The following MICALL1 variants were observed in gnomAD, a reference collection of about 807,000 sequenced individuals.
MICALL1 encodes MICAL-like protein 1.
Under a neutral mutation model 83.7 loss-of-function variants are expected in MICALL1, and 61 were observed. The ratio of observed to expected loss-of-function variants is 0.73; its 90% CI spans 0.59 to 0.90. The LOEUF is 0.90. Among genes scored for constraint, MICALL1 ranks in the 40% least tolerant of loss-of-function variants. MICALL1 has a pLI of 0.00. For synonymous variants in MICALL1, 481 were observed against 473.6 expected, an observed-to-expected ratio of 1.02 and a Z score of -0.20; for missense variants, 1,066 against 1,152.0, an observed-to-expected ratio of 0.93 and a Z score of 1.08.
chr22:37,933,739 G>C (rs919138589), intron 13 of MICALL1, among the ~76,000 whole-genome samples: 3 of 152,224 alleles, frequency 2.0e-5, no homozygotes, highest in Non-Finnish European at 4.4e-5. Flanking sequence ...CCAGAGTTGG[G>C]AGCCAAAGCT....
At position 37,932,582 on chromosome 22, in the gene MICALL1, G is replaced by C. The variant is rs1929849536; in HGVS notation, c.2046G>C (p.Glu682Asp). Reference protein sequence around the residue: ...KVQADQYIPEEDIHGEMDTIE... With the variant: ...KVQADQYIPEDDIHGEMDTIE... Reference sequence around the variant, plus strand: ...AGGCTGACCAGTACATCCCTGAGGAGGACATCCATGGAGAGATGGATACCA... The same window carrying C: ...AGGCTGACCAGTACATCCCTGAGGACGACATCCATGGAGAGATGGATACCA... Residue 682 changes from glutamate (E) to aspartate (D), a missense_variant, in exon 11 of 16, where the codon GAG becomes GAC. By Grantham distance (45) the Glu-to-Asp change is conservative (BLOSUM62 2). Coordinates refer to ENST00000215957, the MANE Select transcript of MICALL1 (RefSeq NM_033386.4). This position sits in a 1 kb window ranked among gnomAD's most constrained non-coding sequence, Gnocchi z 4.4. The C allele has an allele frequency of 6.2e-7, 1 of 1,614,184 alleles. No individual in the cohort carries two copies. The highest frequency in any genetic ancestry group is 2.2e-5 in the East Asian group (1 of 44,882).
intron 15 of MICALL1, among the ~76,000 whole-genome samples, chr22:37,939,220 C>T (rs76696902): frequency 1.9e-3 from 289 of 152,316 alleles, no homozygotes; most frequent in African/African-American, 6.8e-3. Context: ...TCTCATTCTT[C>T]ATATCTGCAG....
chr22:37,919,356 A>G (rs1601813974), intron 5 of MICALL1, among the ~76,000 whole-genome samples, 178 bp downstream of exon 5: 1 of 152,250 alleles, frequency 6.6e-6, no homozygotes, highest in Non-Finnish European at 1.5e-5. Flanking sequence ...GCTCAGCCAC[A>G]TGATTCGAGA....
In MICALL1 at chr22:37,924,542, G is replaced by A. The variant is rs1929297385; in HGVS notation, c.1025-118G>A. On this transcript the variant is annotated intron_variant, in intron 6 of 15. Coordinates refer to ENST00000215957, the MANE Select transcript of MICALL1 (RefSeq NM_033386.4). This position sits in a 1 kb window ranked among gnomAD's most constrained non-coding sequence, Gnocchi z 5.2. ...TCTCCATGGGCTGGCCTGGGGAGGT[G>A]CGAGGGTGCCAGGAGGAAGGCGGGG... is the stretch of plus-strand genomic sequence containing the variant. 1 of 949,368 alleles carries A rather than the reference G, an allele frequency of 1.1e-6. No individual in the cohort carries two copies. Among genetic ancestry groups the A allele is most frequent in the Admixed American group, 2.1e-5 (1 of 48,510 alleles). The allele number at this position is 949,368 out of a possible 1,614,324, so 58.8% of individuals were successfully genotyped here. A position where few individuals can be genotyped will look rare whatever the true frequency, so the allele number is the denominator to read the frequency against.
intron 14 of MICALL1, 54 bp from the exon 15 acceptor site, chr22:37,937,692 G>A (rs1402241736): frequency 6.3e-7 from 1 of 1,594,932 alleles, no homozygotes; most frequent in Non-Finnish European, 8.6e-7. Flanking sequence ...CCAAAGTGCT[G>A]GGATTACAGG....
chr22:37,927,625 G>C lies in MICALL1; in HGVS notation c.1680G>C (p.Leu560=). 6.2e-7 allele frequency: 1 copy of C among 1,613,996 alleles called. No individual in the cohort carries two copies. The highest frequency in any genetic ancestry group is 8.5e-7 in the Non-Finnish European group (1 of 1,179,914). ...TCAGCCTCTCTACCAACTCCTCCCT[G>C]GCCTCCTCTGGGGAACTAGTGGAGC... ...NPVSLSTNSS[L]ASSGELVEPR... Residue 560 remains leucine, a synonymous_variant, in exon 9 of 16, where the codon CTG becomes CTC. Transcript: ENST00000215957.
At chr22:37,915,965 ACTT>A (rs982090380) in intron 3 of MICALL1, among the ~76,000 whole-genome samples, 7 of 152,136 alleles carry the variant, frequency 4.6e-5, no homozygotes, top group African/African-American at 9.7e-5. Flanking sequence ...TATTCTTACT[ACTT>A]CTTATTTCAC....
At position 37,907,833 on chromosome 22, in the gene MICALL1, C is replaced by G. The variant is rs762808950; in HGVS notation, c.146+1265C>G. ...GGTGGTCATGTAGGTGGGCCCCTGC[C>G]CGCTGTGGGGCATGTGACACCCATA... is the stretch of plus-strand genomic sequence containing the variant. On this transcript the variant is annotated intron_variant, in intron 1 of 15. Coordinates refer to ENST00000215957, the MANE Select transcript of MICALL1 (RefSeq NM_033386.4). Among the ~76,000 whole-genome samples the G allele has an allele frequency of 5.3e-4, 80 of 152,154 alleles. 1 individual carries two copies. Among genetic ancestry groups the G allele is most frequent in the Admixed American group, 1.6e-3 (25 of 15,262 alleles).
chr22:37,909,361 G>A (rs568182018), intron 1 of MICALL1, among the ~76,000 whole-genome samples: 30 of 146,012 alleles, frequency 2.1e-4, no homozygotes, highest in African/African-American at 7.1e-4. Flanking sequence ...GCCGAGCCAC[G>A]TAGGTTTTTT....
At chr22:37,939,965 C>T (rs1930343975) in intron 15 of MICALL1, among the ~76,000 whole-genome samples, 1 of 151,646 alleles carries the variant, frequency 6.6e-6, no homozygotes, top group African/African-American at 2.4e-5. Flanking sequence ...TGGCACACTT[C>T]TGTAATCTCA....
At chr22:37,926,781 C>G (rs1322250637) in intron 8 of MICALL1, 1 of 153,132 alleles carries the variant, frequency 6.5e-6, no homozygotes. Context: ...GGGGTCTGAG[C>G]GGAGCCCTGG....
rs771002643 is a variant in MICALL1 at position 37,932,053 on chromosome 22, C to A, written c.2016+120C>A. ...CTGGCTAGGCAGTGGGCCTCAGATG[C>A]TCAAGAGAGCACTCTTGGCGGCCCA... On this transcript the variant is annotated intron_variant, in intron 10 of 15. Coordinates refer to ENST00000215957, the MANE Select transcript of MICALL1 (RefSeq NM_033386.4). The surrounding 1 kb of genome is among the most constrained non-coding windows in gnomAD (Gnocchi z 4.4). 36 of 1,415,164 alleles carry A rather than the reference C, an allele frequency of 2.5e-5. 1 individual carries two copies. The Middle Eastern group carries it at 7.8e-4, about 31-fold the overall frequency. 87.7% of individuals were successfully genotyped at this position (1,415,164 alleles called of 1,614,324 possible). A position where few individuals can be genotyped will look rare whatever the true frequency, so the allele number is the denominator to read the frequency against.
chr22:37,922,601 ATTTTTTT>A (rs1198282750), intron 6 of MICALL1, among the ~76,000 whole-genome samples, 175 bp downstream of exon 6: 2 of 31,936 alleles, frequency 6.3e-5, no homozygotes, highest in Non-Finnish European at 1.3e-4. Flanking sequence ...ATATATATAT[ATTTTTTT>A]TTTTTTTTTT....
chr22:37,915,167 G>C (rs1277385889), intron 3 of MICALL1, among the ~76,000 whole-genome samples: 6 of 152,120 alleles, frequency 3.9e-5, no homozygotes, highest in East Asian at 3.9e-4. Flanking sequence ...TGGGAGGTTT[G>C]CTTGAGGCCA....
intron 9 of MICALL1, among the ~76,000 whole-genome samples, chr22:37,928,207 T>C (rs1929592717): frequency 6.8e-6 from 1 of 146,632 alleles, no homozygotes; most frequent in Non-Finnish European, 1.5e-5. Flanking sequence ...TGCTTGGCCT[T>C]CTTTTTTATT....
In MICALL1 at chr22:37,925,924, C is replaced by T; in HGVS notation, c.1346C>T (p.Ala449Val). Reference protein sequence around the residue: ...PAAPSLATSPALGHPESTPKS... With the variant: ...PAAPSLATSPVLGHPESTPKS... ...GCACCCAGCCTGGCCACCAGCCCTG[C>T]CCTGGGCCACCCGGAGTCCACACCC... is the stretch of plus-strand genomic sequence containing the variant. The change falls in exon 8 of 16, where the codon GCC becomes GTC. Residue 449 changes from alanine to valine, a missense_variant. By Grantham distance (64) the Ala-to-Val change is moderately conservative (BLOSUM62 0). Coordinates refer to ENST00000215957, the MANE Select transcript of MICALL1 (RefSeq NM_033386.4). 1 of 1,613,036 alleles carries T rather than the reference C, an allele frequency of 6.2e-7. No homozygotes were observed. Among genetic ancestry groups the T allele is most frequent in the South Asian group, 1.1e-5 (1 of 90,964 alleles).
At position 37,928,724 on chromosome 22, in the gene MICALL1, G is replaced by A. The variant is rs551949900; in HGVS notation, c.1881+898G>A. Among the ~76,000 whole-genome samples, 7 of 152,232 alleles carry A rather than the reference G, an allele frequency of 4.6e-5. No homozygotes were observed. In the East Asian group the frequency reaches 1.4e-3, roughly 29 times the overall value. On this transcript the variant is annotated intron_variant, in intron 9 of 15. Coordinates refer to ENST00000215957, the MANE Select transcript of MICALL1 (RefSeq NM_033386.4). ...TGTTTGCCTCCCATCCCCTCCACTT[G>A]CCTATTTGGGTTCCACTCACCAGCC...
intron 1 of MICALL1, among the ~76,000 whole-genome samples, chr22:37,908,682 A>G (rs192811436): frequency 1.3e-5 from 2 of 152,312 alleles, no homozygotes; most frequent in Admixed American, 6.5e-5. Flanking sequence ...GTACCTGGTA[A>G]TGGAAGTACC....
chr22:37,937,406 C>T (rs552958618), intron 14 of MICALL1, among the ~76,000 whole-genome samples: 2 of 150,862 alleles, frequency 1.3e-5, no homozygotes, highest in African/African-American at 4.9e-5. Context: ...GTAGGACTCT[C>T]AGCTGCCGCT....
Sources: allele counts gnomAD v4.1 joint callset (sites outside exome capture counted in the v4.1 genomes callset), GRCh38; gene constraint gnomAD v4.1.1; non-coding constraint Gnocchi (gnomAD v3.1); transcripts MANE v1.5; gene names NCBI Gene and HGNC (gene_info 2026-07-23, HGNC 2026-07-21).